Variants in DPT observed in about 807,000 individuals in gnomAD.
DPT encodes tyrosine-rich acidic matrix protein.
In DPT, 21 loss-of-function variants were observed where a neutral mutation model predicts 31.2. That is an observed-to-expected ratio of 0.67 (90% CI 0.48 to 0.97). The LOEUF is 0.97. DPT is among the 50% of genes least tolerant of loss of function. The probability of loss-of-function intolerance (pLI) is 0.00; values close to 1 mark genes in which losing one functional copy is unlikely to be tolerated. For missense variants in DPT, 262 were observed against 258.8 expected (o/e 1.01, Z -0.08); for synonymous variants, 91 against 86.9 (o/e 1.05, Z -0.26).
chr1:168,700,904 T>G, intron 3 of DPT, 113 bp downstream of exon 3: 2 of 184,186 alleles, frequency 1.1e-5, no homozygotes, highest in East Asian at 8.9e-5. Flanking sequence ...TGTGTGTGTG[T>G]GTGGGTGTGT....
At chr1:168,701,353 A>G (rs1449063065) in intron 2 of DPT, among the ~76,000 whole-genome samples, 1 of 152,166 alleles carries the variant, frequency 6.6e-6, no homozygotes, top group East Asian at 1.9e-4. Flanking sequence ...AAAAAGATGA[A>G]GATACCTCCC....
chr1:168,712,782 G>T (rs925144205), intron 2 of DPT, among the ~76,000 whole-genome samples: 1 of 152,198 alleles, frequency 6.6e-6, no homozygotes, highest in African/African-American at 2.4e-5. Context: ...TTCAACTTAT[G>T]ATCCAGGGGT....
chr1:168,695,971 T>C lies in DPT; in HGVS notation c.*578A>G. 2.6e-6 allele frequency: 1 copy of C among 387,522 alleles called. No homozygotes were observed. Among genetic ancestry groups the C allele is most frequent in the Non-Finnish European group, 4.6e-6 (1 of 219,488 alleles). The allele number at this position is 387,522 out of a possible 1,614,324, so 24.0% of individuals were successfully genotyped here. A position where few individuals can be genotyped will look rare whatever the true frequency, so the allele number is the denominator to read the frequency against. On this transcript the variant is annotated 3_prime_UTR_variant, in exon 4 of 4. Transcript: ENST00000367817. ...CAGCTCTGCCTCCAAACCCTTCCAT[T>C]TCCCCATTTCACCTCCCAGTCTCCT...
At chr1:168,718,477 C>G (rs1650034114) in intron 1 of DPT, among the ~76,000 whole-genome samples, 1 of 152,208 alleles carries the variant, frequency 6.6e-6, no homozygotes, top group African/African-American at 2.4e-5. Flanking sequence ...CATAACCCTC[C>G]TCCTCCGGCT....
chr1:168,699,175 A>G (rs1326504058), intron 3 of DPT, among the ~76,000 whole-genome samples: 1 of 152,168 alleles, frequency 6.6e-6, no homozygotes, highest in African/African-American at 2.4e-5. Context: ...GCTTTCTTAA[A>G]CAGGGAACAT....
intron 3 of DPT, 91 bp downstream of exon 3, chr1:168,700,926 T>C (rs938707725): frequency 5.2e-6 from 4 of 765,980 alleles, no homozygotes; most frequent in African/African-American, 1.7e-5. Flanking sequence ...TGTGTGTGTG[T>C]GTTTATAAAT....
chr1:168,722,849 A>AACAC lies in DPT; in HGVS notation c.305+6017_305+6020dup, dbSNP rs10585221. 4.1e-3 allele frequency among the ~76,000 whole-genome samples: 619 copies of AACAC among 149,812 alleles called. 7 individuals are homozygous for AACAC. The highest frequency in any genetic ancestry group is 0.014 in the African/African-American group (571 of 40,636). On this transcript the variant is annotated intron_variant, in intron 1 of 3. Coordinates refer to ENST00000367817, the MANE Select transcript of DPT (RefSeq NM_001937.5). ...TCAATACTTCAAGATCCCTCAAAGA[A>AACAC]ACACACACACACACACACACACACA...
At chr1:168,722,242 C>A (rs776442628) in intron 1 of DPT, among the ~76,000 whole-genome samples, 1 of 152,026 alleles carries the variant, frequency 6.6e-6, no homozygotes, top group East Asian at 1.9e-4. Context: ...ATGCTATCTC[C>A]GTGTCTATTA....
intron 1 of DPT, among the ~76,000 whole-genome samples, chr1:168,717,440 A>G (rs1460224223): frequency 1.3e-5 from 2 of 152,120 alleles, no homozygotes; most frequent in East Asian, 1.9e-4. Context: ...ATTTCCTTGT[A>G]GATTCTGGAT....
intron 1 of DPT, among the ~76,000 whole-genome samples, chr1:168,722,056 G>A (rs938573039): frequency 6.6e-6 from 1 of 152,114 alleles, no homozygotes; most frequent in Non-Finnish European, 1.5e-5. Flanking sequence ...GAAAAATACA[G>A]GCAGGAGAGG....
intron 2 of DPT, among the ~76,000 whole-genome samples, chr1:168,712,388 C>A (rs1271057927): frequency 6.6e-6 from 1 of 152,214 alleles, no homozygotes; most frequent in Admixed American, 6.5e-5. Context: ...ACCCAGCATA[C>A]CCCAGCCCTG....
Position 168,696,544 on chromosome 1 carries a change from C to T in DPT, c.*5G>A. The T allele has an allele frequency of 6.2e-7, 1 of 1,613,592 alleles. No individual in the cohort carries two copies. Among genetic ancestry groups the T allele is most frequent in the Non-Finnish European group, 8.5e-7 (1 of 1,179,772 alleles). ...CCTTTCACCCAGATTTGGTATGTGG[C>T]AAATCTAAACATTTGCAAATTCACA... On this transcript the variant is annotated 3_prime_UTR_variant, in exon 4 of 4. Coordinates refer to ENST00000367817, the MANE Select transcript of DPT (RefSeq NM_001937.5).
rs138122355 is a variant in DPT, at chr1:168,714,251, C to T, written c.401G>A (p.Arg134His). 2.0e-5 allele frequency: 33 copies of T among 1,613,880 alleles called. No homozygotes were observed. The highest frequency in any genetic ancestry group is 2.4e-5 in the Non-Finnish European group (28 of 1,180,008). The change falls in exon 2 of 4, where the codon CGC (arginine) becomes CAC (histidine). Residue 134 changes from arginine (R) to histidine (H), a missense_variant. Transcript: ENST00000367817. Reference sequence around the variant, plus strand: ...GGAATATGGGCACCTCTTGCTGTAGCGACAACAGTAAAACTGCCACTCCCG... The same window carrying T: ...GGAATATGGGCACCTCTTGCTGTAGTGACAACAGTAAAACTGCCACTCCCG... ...LDREWQFYCCRYSKRCPYSCW... is the reference protein window; with the variant it reads ...LDREWQFYCCHYSKRCPYSCW...
chr1:168,708,604 A>G (rs1005305919), intron 2 of DPT, among the ~76,000 whole-genome samples: 1 of 152,210 alleles, frequency 6.6e-6, no homozygotes, highest in Admixed American at 6.5e-5. Flanking sequence ...GTTCTAGGGT[A>G]CATGTGCACA....
At chr1:168,710,979 T>G (rs1481612332) in intron 2 of DPT, among the ~76,000 whole-genome samples, 1 of 151,786 alleles carries the variant, frequency 6.6e-6, no homozygotes, top group Non-Finnish European at 1.5e-5. Context: ...ACCCCCTATT[T>G]CTTCTGTTTG....
At chr1:168,703,929 G>A (rs558846251) in intron 2 of DPT, among the ~76,000 whole-genome samples, 5 of 152,224 alleles carry the variant, frequency 3.3e-5, no homozygotes, top group East Asian at 1.9e-4. Flanking sequence ...GCATGTGCAC[G>A]CGCACACACA....
intron 1 of DPT, among the ~76,000 whole-genome samples, chr1:168,716,568 G>A (rs920749881): frequency 9.2e-5 from 14 of 151,670 alleles, no homozygotes; most frequent in Non-Finnish European, 1.8e-4. Context: ...TTTAAGTTCC[G>A]GGATACAAGT....
At chr1:168,723,059 G>A (rs1364129915) in intron 1 of DPT, among the ~76,000 whole-genome samples, 2 of 152,198 alleles carry the variant, frequency 1.3e-5, no homozygotes, top group Non-Finnish European at 2.9e-5. Context: ...CTAGCACTTA[G>A]GAGAGTGACC....
chr1:168,704,501 C>G (rs1235301220), intron 2 of DPT, among the ~76,000 whole-genome samples: 1 of 152,178 alleles, frequency 6.6e-6, no homozygotes, highest in East Asian at 1.9e-4. Flanking sequence ...GAGCTGAGAT[C>G]GCGCCACTGC....
Sources: allele counts gnomAD v4.1 joint callset (sites outside exome capture counted in the v4.1 genomes callset), GRCh38; gene constraint gnomAD v4.1.1; transcripts MANE v1.5; gene names NCBI Gene and HGNC (gene_info 2026-07-23, HGNC 2026-07-21).